Variants in RSRC1 observed in about 807,000 individuals in gnomAD.
RSRC1 encodes the protein arginine and serine rich coiled-coil 1.
RSRC1 carries 39 observed loss-of-function variants against 49.1 expected under a neutral mutation model. The observed-to-expected ratio is 0.79, with a 90% CI of 0.61 to 1.04. The LOEUF (loss-of-function observed/expected upper bound fraction) is 1.04, where lower values mean the gene tolerates loss of function less well. Among genes scored for constraint, RSRC1 ranks in the 50% least tolerant of loss-of-function variants. The pLI is 0.00. For synonymous variants in RSRC1, 143 were observed against 130.8 expected, an observed-to-expected ratio of 1.09 and a Z score of -0.63; for missense variants, 388 against 402.4, an observed-to-expected ratio of 0.96 and a Z score of 0.31.
chr3:158,253,407 A>G (rs1026894288), intron 4 of RSRC1, among the ~76,000 whole-genome samples: 1 of 151,728 alleles, frequency 6.6e-6, no homozygotes, highest in African/African-American at 2.4e-5. Context: ...TTGATTTTTA[A>G]TTTTATTCCA....
chr3:158,291,408 C>G (rs935006985), intron 4 of RSRC1, among the ~76,000 whole-genome samples: 3 of 152,072 alleles, frequency 2.0e-5, no homozygotes, highest in Non-Finnish European at 2.9e-5. Context: ...TTGGCTTGCT[C>G]TTTGAAATGG....
chr3:158,376,405 G>T lies in RSRC1; in HGVS notation c.583+21497G>T, dbSNP rs573872700. ...TTGAACTCCAGACCTCAGGTTATCT[G>T]CCTGCCTCGGCCTCCCAAAGTGCTG... On this transcript the variant is annotated intron_variant, in intron 6 of 9. Transcript: ENST00000611884. Among the ~76,000 whole-genome samples the T allele has an allele frequency of 5.3e-5, 8 of 151,740 alleles. No homozygotes were observed. The South Asian group carries it at 1.7e-3, about 32-fold the overall frequency.
intron 6 of RSRC1, among the ~76,000 whole-genome samples, chr3:158,442,466 A>G (rs1051410395): frequency 1.3e-5 from 2 of 152,102 alleles, no homozygotes; most frequent in African/African-American, 4.8e-5. Flanking sequence ...TTAATACTTA[A>G]GAAGCAATTT....
At chr3:158,413,527 G>A (rs976698358) in intron 6 of RSRC1, among the ~76,000 whole-genome samples, 6 of 151,932 alleles carry the variant, frequency 3.9e-5, no homozygotes, top group Admixed American at 2.0e-4. Flanking sequence ...CACAGCAAAA[G>A]AAACTATCAT....
intron 4 of RSRC1, among the ~76,000 whole-genome samples, chr3:158,233,281 C>T (rs1006378380): frequency 6.6e-6 from 1 of 151,978 alleles, no homozygotes; most frequent in Non-Finnish European, 1.5e-5. Context: ...CTATATTTTC[C>T]TGAAATTATT....
intron 6 of RSRC1, among the ~76,000 whole-genome samples, chr3:158,451,406 T>C (rs1737020422): frequency 6.6e-6 from 1 of 152,056 alleles, no homozygotes. Context: ...TATGTTAATA[T>C]GTAAAATTTT....
chr3:158,443,419 A>G (rs1246801664), intron 6 of RSRC1, among the ~76,000 whole-genome samples: 1 of 152,002 alleles, frequency 6.6e-6, no homozygotes, highest in East Asian at 1.9e-4. Flanking sequence ...CTTTTATGTT[A>G]TGAAGATTAC....
chr3:158,170,420 T>A (rs1393126126), intron 3 of RSRC1, among the ~76,000 whole-genome samples: 1 of 152,102 alleles, frequency 6.6e-6, no homozygotes, highest in African/African-American at 2.4e-5. Flanking sequence ...AAAGCATACC[T>A]GTGAAGTCCT....
chr3:158,388,535 A>C (rs1231883275), intron 6 of RSRC1, among the ~76,000 whole-genome samples: 1 of 152,064 alleles, frequency 6.6e-6, no homozygotes, highest in East Asian at 1.9e-4. Flanking sequence ...CAATATAACT[A>C]GGACCCTAGG....
At chr3:158,427,941 C>T (rs1330745620) in intron 6 of RSRC1, among the ~76,000 whole-genome samples, 1 of 151,578 alleles carries the variant, frequency 6.6e-6, no homozygotes, top group Non-Finnish European at 1.5e-5. Context: ...AAATTTGTTT[C>T]TTTGATTTAC....
At chr3:158,540,031 C>G (rs565776180) in intron 8 of RSRC1, among the ~76,000 whole-genome samples, 7 of 152,098 alleles carry the variant, frequency 4.6e-5, no homozygotes, top group Non-Finnish European at 7.4e-5. Flanking sequence ...GGCTAAGATA[C>G]GCAGAATGAT....
At chr3:158,184,200 C>T (rs1719796392) in intron 3 of RSRC1, among the ~76,000 whole-genome samples, 1 of 151,798 alleles carries the variant, frequency 6.6e-6, no homozygotes, top group Admixed American at 6.6e-5. Flanking sequence ...GCCTTTGTTT[C>T]TTCTTGCCTC....
chr3:158,203,167 G>A lies in RSRC1; in HGVS notation c.416G>A (p.Arg139His), dbSNP rs368994426. 1.2e-5 allele frequency: 19 copies of A among 1,613,316 alleles called. No homozygotes were observed. The highest frequency in any genetic ancestry group is 3.3e-5 in the Admixed American group (2 of 59,934). Residue 139 changes from arginine to histidine, a missense_variant, in exon 4 of 10, where the codon CGT becomes CAT. By Grantham distance (29) the Arg-to-His change is conservative (BLOSUM62 0). Coordinates refer to ENST00000611884, the MANE Select transcript of RSRC1 (RefSeq NM_001271838.2). ...AGTCGGTCTCGGGATAGAGAACGAC[G>A]TAAGGGCAGAGATAAAGAGAAAAGA... The part of the protein sequence containing the change: ...TRSRSRDRER[R>H]KGRDKEKREK...
At chr3:158,117,017 A>G (rs951477139) in intron 1 of RSRC1, among the ~76,000 whole-genome samples, 1 of 152,094 alleles carries the variant, frequency 6.6e-6, no homozygotes, top group Non-Finnish European at 1.5e-5. Flanking sequence ...GAGACCTTAC[A>G]TGTCTGAAAA....
chr3:158,198,761 T>C (rs769690550), intron 3 of RSRC1, among the ~76,000 whole-genome samples: 6 of 152,288 alleles, frequency 3.9e-5, no homozygotes, highest in Non-Finnish European at 7.3e-5. Context: ...TCACTCATGC[T>C]GGGAGATGTA....
intron 3 of RSRC1, among the ~76,000 whole-genome samples, chr3:158,193,801 G>T (rs182675643): frequency 6.6e-6 from 1 of 152,156 alleles, no homozygotes; most frequent in East Asian, 1.9e-4. Flanking sequence ...TTTTGATATA[G>T]AAAGATGCTC....
At chr3:158,416,465 A>G (rs1734741668) in intron 6 of RSRC1, among the ~76,000 whole-genome samples, 1 of 152,062 alleles carries the variant, frequency 6.6e-6, no homozygotes, top group African/African-American at 2.4e-5. Flanking sequence ...CCTCTACACT[A>G]TGAGAAGCCA....
chr3:158,159,880 A>C (rs932536615), intron 3 of RSRC1, among the ~76,000 whole-genome samples: 1 of 152,100 alleles, frequency 6.6e-6, no homozygotes, highest in African/African-American at 2.4e-5. Context: ...TTTAAAAGTA[A>C]TATCACATAG....
At chr3:158,315,273 T>C (rs1578325080) in intron 5 of RSRC1, among the ~76,000 whole-genome samples, 2 of 152,102 alleles carry the variant, frequency 1.3e-5, no homozygotes, top group East Asian at 3.9e-4. Flanking sequence ...GCAACAACAT[T>C]ATGAGATAGG....
Sources: gnomAD v4.1 joint callset for allele counts (sites outside exome capture counted in the v4.1 genomes callset) on GRCh38, gnomAD v4.1.1 for gene constraint, MANE v1.5 for transcripts, NCBI Gene and HGNC (gene_info 2026-07-23, HGNC 2026-07-21) for gene names.